TF: variants seen among roughly 807,000 people sequenced by gnomAD.
TF encodes transferrin, also known as serotransferrin.
In TF, 55 loss-of-function variants were observed where a neutral mutation model predicts 82.4. The observed-to-expected ratio is 0.67, with a 90% confidence interval of 0.54 to 0.84. The LOEUF is 0.84. TF is among the 40% of genes least tolerant of loss of function. The pLI, the probability that TF is intolerant of heterozygous loss-of-function variation, is 0.00. For missense variants in TF, 737 were observed against 868.4 expected (o/e 0.85, Z 1.90); for synonymous variants, 332 against 332.6 (o/e 1.00, Z 0.02).
the TF span, among the ~76,000 whole-genome samples, chr3:133,678,475 C>A: frequency 9.2e-5 from 14 of 152,232 alleles, no homozygotes; most frequent in Non-Finnish European, 1.9e-4. Context: ...ACACTCCCAC[C>A]AACAGTGTAA....
chr3:133,707,505 G>A, the TF span: 2 of 152,138 alleles, frequency 1.3e-5, no homozygotes, highest in South Asian at 2.1e-4. Flanking sequence ...ACTCCAGGAG[G>A]GGTTCCACTG....
intron 12 of TF, 63 bp downstream of exon 12, chr3:133,766,496 G>T: frequency 6.2e-7 from 1 of 1,607,624 alleles, no homozygotes; most frequent in East Asian, 2.2e-5. Context: ...TCCTGCCTTA[G>T]GGAAGAGGAG....
chr3:133,664,648 G>T, the TF span, among the ~76,000 whole-genome samples: 3 of 151,948 alleles, frequency 2.0e-5, no homozygotes, highest in Non-Finnish European at 2.9e-5. Context: ...TAATCACTAG[G>T]TTACTTATAA....
the TF span, among the ~76,000 whole-genome samples, chr3:133,729,354 G>A: frequency 6.6e-6 from 1 of 152,224 alleles, no homozygotes; most frequent in Admixed American, 6.5e-5. Flanking sequence ...AAGCAAGCCT[G>A]GGCAATGGCG....
chr3:133,762,969 A>G (rs776806038), intron 9 of TF, among the ~76,000 whole-genome samples: 3 of 152,238 alleles, frequency 2.0e-5, no homozygotes, highest in African/African-American at 4.8e-5. Context: ...TTCTTAAGAC[A>G]TCACCATTTT....
chr3:133,755,589 C>T, intron 5 of TF, 94 bp downstream of exon 5: 1 of 1,564,976 alleles, frequency 6.4e-7, no homozygotes, highest in Non-Finnish European at 8.7e-7. Flanking sequence ...CCCTGCCTGC[C>T]TACAGGGGCA....
intron 14 of TF, chr3:133,773,207 G>GTTGGAGT (rs1365143176): frequency 2.7e-5 from 4 of 150,880 alleles, no homozygotes; most frequent in African/African-American, 9.8e-5. Context: ...TTTGTTGCTA[G>GTTGGAGT]GCTGGAGTGC....
chr3:133,734,803 T>TAAA, the TF span, among the ~76,000 whole-genome samples: 1 of 145,142 alleles, frequency 6.9e-6, no homozygotes, highest in African/African-American at 2.5e-5. Context: ...GAGAGTTTCT[T>TAAA]AAAAAAAAAA....
At chr3:133,695,245 C>CTT in the TF span, among the ~76,000 whole-genome samples, 227 of 100,278 alleles carry the variant, frequency 2.3e-3, 4 homozygotes, top group African/African-American at 2.9e-3. Flanking sequence ...GGAGCTGGTT[C>CTT]TTTTTTTTTT....
the TF span, among the ~76,000 whole-genome samples, chr3:133,698,566 C>T: frequency 5.5e-4 from 83 of 152,286 alleles, no homozygotes; most frequent in Middle Eastern, 3.4e-3. Flanking sequence ...GACTCACAGA[C>T]ACATCACTCC....
intron 14 of TF, 62 bp from the exon 15 acceptor site, chr3:133,775,371 A>G (rs564416899): frequency 1.4e-4 from 227 of 1,572,938 alleles, no homozygotes; most frequent in Non-Finnish European, 1.2e-4. Context: ...AGTCAGTTCC[A>G]TCTCCCCAGC....
the TF span, among the ~76,000 whole-genome samples, chr3:133,683,299 C>T: frequency 1.4e-4 from 21 of 152,174 alleles, no homozygotes; most frequent in Admixed American, 8.5e-4. Context: ...CATCAACTAA[C>T]GAGCAAAATA....
intron 2 of TF, among the ~76,000 whole-genome samples, chr3:133,749,673 G>A (rs1933607308): frequency 6.6e-6 from 1 of 152,138 alleles, no homozygotes; most frequent in Admixed American, 6.5e-5. Flanking sequence ...ATATGCAAAG[G>A]GCCTGAGGCA....
At chr3:133,716,593 C>A in the TF span, among the ~76,000 whole-genome samples, 1 of 152,130 alleles carries the variant, frequency 6.6e-6, no homozygotes, top group African/African-American at 2.4e-5. Flanking sequence ...ATCGTCTCTC[C>A]CCAGATTTTT....
chr3:133,669,580 A>G, the TF span, among the ~76,000 whole-genome samples: 1 of 151,976 alleles, frequency 6.6e-6, no homozygotes, highest in African/African-American at 2.4e-5. Flanking sequence ...ATCCAAGGAA[A>G]TTTCTTGCAC....
At chr3:133,712,068 T>G in the TF span, among the ~76,000 whole-genome samples, 1 of 152,166 alleles carries the variant, frequency 6.6e-6, no homozygotes, top group Admixed American at 6.5e-5. Context: ...AAGGGGCTCT[T>G]TTATTGTAGC....
chr3:133,738,890 AAAGT>A, the TF span, among the ~76,000 whole-genome samples: 1 of 152,040 alleles, frequency 6.6e-6, no homozygotes. Context: ...CATACTGCCC[AAAGT>A]AATTTACAGA....
At chr3:133,675,193 C>G in the TF span, among the ~76,000 whole-genome samples, 1 of 137,116 alleles carries the variant, frequency 7.3e-6, no homozygotes, top group South Asian at 2.2e-4. Flanking sequence ...TGCAGTGAGC[C>G]GAGATCACGC....
intron 2 of TF, 163 bp downstream of exon 2, chr3:133,748,747 T>C: frequency 1.1e-6 from 1 of 928,846 alleles, no homozygotes; most frequent in Non-Finnish European, 1.7e-6. Flanking sequence ...AGGTTTTCTT[T>C]AATGTGTCTG....
Sources: gnomAD v4.1 joint callset for allele counts (sites outside exome capture counted in the v4.1 genomes callset) on GRCh38, gnomAD v4.1.1 for gene constraint, MANE v1.5 for transcripts, NCBI Gene and HGNC (gene_info 2026-07-23, HGNC 2026-07-21) for gene names.